Variants in SCARA5 observed in about 807,000 individuals in gnomAD.
SCARA5 encodes scavenger receptor class A member 5, also known as scavenger receptor class A, member 5 (putative).
SCARA5 carries 45 observed loss-of-function variants against 46.3 expected under a neutral mutation model. That is an observed-to-expected ratio of 0.97 (90% CI 0.76 to 1.24). SCARA5 has a LOEUF of 1.24. Ranked by LOEUF, SCARA5 falls within the 50% of genes most tolerant of loss-of-function variation. The pLI is 0.00. For missense variants in SCARA5, 680 were observed against 689.0 expected (o/e 0.99, Z 0.15); for synonymous variants, 333 against 306.5 (o/e 1.09, Z -0.90).
At chr8:27,886,258 G>C (rs1199019262) in intron 7 of SCARA5, 2 of 152,450 alleles carry the variant, frequency 1.3e-5, no homozygotes, top group Non-Finnish European at 2.9e-5. Context: ...AGGGCCGCCT[G>C]CCCACAGGGT....
At chr8:27,884,290 G>A (rs1806857960) in intron 7 of SCARA5, among the ~76,000 whole-genome samples, 2 of 151,900 alleles carry the variant, frequency 1.3e-5, no homozygotes, top group African/African-American at 4.9e-5. Flanking sequence ...GAGAGATCCT[G>A]GAGAAGAAAA....
chr8:27,927,804 AATTTAC>A, intron 3 of SCARA5, among the ~76,000 whole-genome samples: 1 of 152,342 alleles, frequency 6.6e-6, no homozygotes, highest in East Asian at 1.9e-4. Context: ...AAGTTATACT[AATTTAC>A]ATTTACATTA....
intron 8 of SCARA5, among the ~76,000 whole-genome samples, chr8:27,876,821 G>A (rs1026328445): frequency 6.6e-6 from 1 of 152,194 alleles, no homozygotes; most frequent in African/African-American, 2.4e-5. Flanking sequence ...AAGGAAGAGG[G>A]TGAGAAGAAG....
intron 2 of SCARA5, among the ~76,000 whole-genome samples, chr8:27,977,486 A>G (rs919205590): frequency 6.6e-6 from 1 of 151,962 alleles, no homozygotes; most frequent in Non-Finnish European, 1.5e-5. Flanking sequence ...CGTTTCTTCT[A>G]CTTTCTTGTT....
chr8:27,920,123 T>C (rs1047250336), intron 4 of SCARA5, among the ~76,000 whole-genome samples: 3 of 151,876 alleles, frequency 2.0e-5, no homozygotes, highest in African/African-American at 7.3e-5. Context: ...GGTTCTATCA[T>C]TTGTGGGCCC....
At chr8:27,907,564 A>C (rs1807285171) in intron 5 of SCARA5, among the ~76,000 whole-genome samples, 1 of 121,624 alleles carries the variant, frequency 8.2e-6, no homozygotes, top group Non-Finnish European at 1.7e-5. Flanking sequence ...ACTTAGAATC[A>C]GCAAACACTT....
chr8:27,921,492 G>T, intron 4 of SCARA5, 79 bp downstream of exon 4: 3 of 1,269,754 alleles, frequency 2.4e-6, no homozygotes, highest in Non-Finnish European at 3.2e-6. Flanking sequence ...GGTACTCCTG[G>T]GTCCTTGGGG....
At chr8:27,942,105 A>C (rs1439462584) in intron 3 of SCARA5, among the ~76,000 whole-genome samples, 3 of 152,034 alleles carry the variant, frequency 2.0e-5, no homozygotes, top group Non-Finnish European at 4.4e-5. Flanking sequence ...CCAGGATTAC[A>C]GGTGTGAGCC....
At chr8:27,977,833 A>G (rs1213188304) in intron 2 of SCARA5, among the ~76,000 whole-genome samples, 1 of 152,250 alleles carries the variant, frequency 6.6e-6, no homozygotes, top group Non-Finnish European at 1.5e-5. Flanking sequence ...CACAGGAAAC[A>G]TGGCTGGCCC....
chr8:27,914,219 G>T (rs1807424705), intron 4 of SCARA5, among the ~76,000 whole-genome samples: 1 of 152,230 alleles, frequency 6.6e-6, no homozygotes. Context: ...CCATGATTGT[G>T]AGGCCTCCTC....
At chr8:27,890,770 G>A (rs963282763) in intron 7 of SCARA5, among the ~76,000 whole-genome samples, 1 of 152,228 alleles carries the variant, frequency 6.6e-6, no homozygotes, top group African/African-American at 2.4e-5. Context: ...GGATTTCATC[G>A]ATTTGTGCTG....
chr8:27,955,732 G>T (rs929719018), intron 3 of SCARA5, among the ~76,000 whole-genome samples: 2 of 152,162 alleles, frequency 1.3e-5, no homozygotes, highest in South Asian at 2.1e-4. Context: ...CAAGTATTTG[G>T]TACCTACTTT....
At chr8:27,919,550 A>G (rs1219862219) in intron 4 of SCARA5, among the ~76,000 whole-genome samples, 1 of 151,988 alleles carries the variant, frequency 6.6e-6, no homozygotes, top group Non-Finnish European at 1.5e-5. Context: ...ACCTGCCATA[A>G]CCCTTAACAC....
intron 1 of SCARA5, among the ~76,000 whole-genome samples, chr8:27,989,578 C>A (rs1447623047): frequency 6.6e-6 from 1 of 152,310 alleles, no homozygotes; most frequent in Admixed American, 6.5e-5. Context: ...TCTGTACATC[C>A]CCCATAACGG....
At chr8:27,887,185 G>A (rs1470307832) in intron 7 of SCARA5, among the ~76,000 whole-genome samples, 2 of 152,102 alleles carry the variant, frequency 1.3e-5, no homozygotes, top group South Asian at 2.1e-4. Flanking sequence ...CAATGACTGC[G>A]AGGCACCTTC....
At chr8:27,969,605 C>T (rs1319166367) in intron 2 of SCARA5, among the ~76,000 whole-genome samples, 1 of 152,042 alleles carries the variant, frequency 6.6e-6, no homozygotes, top group Non-Finnish European at 1.5e-5. Flanking sequence ...TTGGCCAAAC[C>T]CACAGAATGT....
At chr8:27,924,186 C>T (rs1807645784) in intron 3 of SCARA5, among the ~76,000 whole-genome samples, 1 of 152,086 alleles carries the variant, frequency 6.6e-6, no homozygotes, top group African/African-American at 2.4e-5. Context: ...GGAAATAAGG[C>T]CTGGTGGTGG....
intron 3 of SCARA5, among the ~76,000 whole-genome samples, chr8:27,958,170 G>A (rs1349495499): frequency 6.6e-6 from 1 of 152,168 alleles, no homozygotes; most frequent in Non-Finnish European, 1.5e-5. Context: ...TGTCAGATTC[G>A]CAGGCAGTGT....
At chr8:27,948,976 C>T (rs562777134) in intron 3 of SCARA5, among the ~76,000 whole-genome samples, 12 of 152,362 alleles carry the variant, frequency 7.9e-5, no homozygotes, top group African/African-American at 1.4e-4. Context: ...GCTGAATGAA[C>T]GAAGCACAAG....
Sources: gnomAD v4.1 joint callset for allele counts (sites outside exome capture counted in the v4.1 genomes callset) on GRCh38, gnomAD v4.1.1 for gene constraint, MANE v1.5 for transcripts, NCBI Gene and HGNC (gene_info 2026-07-23, HGNC 2026-07-21) for gene names.